The following TENM4 variants were observed in gnomAD, a reference collection of about 807,000 sequenced individuals.
The protein encoded by TENM4 is teneurin-4.
Under a neutral mutation model 243.3 loss-of-function variants are expected in TENM4, and 82 were observed. The ratio of observed to expected loss-of-function variants is 0.34; its 90% CI spans 0.28 to 0.40. TENM4 has a LOEUF of 0.40. Ranked by LOEUF, TENM4 falls within the 10% of genes least tolerant of loss-of-function variation. The pLI is 1.00. For synonymous variants in TENM4, 1,412 were observed against 1,456.3 expected, an observed-to-expected ratio of 0.97 and a Z score of 0.69; for missense variants, 3,138 against 3,673.3, an observed-to-expected ratio of 0.85 and a Z score of 3.77.
intron 6 of TENM4, among the ~76,000 whole-genome samples, chr11:79,009,513 G>A (rs1858587116): frequency 6.6e-6 from 1 of 152,172 alleles, no homozygotes; most frequent in Admixed American, 6.5e-5. Flanking sequence ...GGTAATAAAT[G>A]CCATTTGTGA....
At chr11:78,834,673 A>G (rs1858061745) in intron 12 of TENM4, among the ~76,000 whole-genome samples, 1 of 151,896 alleles carries the variant, frequency 6.6e-6, no homozygotes, top group Non-Finnish European at 1.5e-5. Flanking sequence ...GTTGGTACTT[A>G]TTTCCTCTGT....
chr11:79,063,033 A>T (rs1307831161), intron 6 of TENM4, among the ~76,000 whole-genome samples: 2 of 152,126 alleles, frequency 1.3e-5, no homozygotes, highest in Non-Finnish European at 2.9e-5. Context: ...GCCACTACCC[A>T]GTACCCAAGC....
At chr11:78,873,168 G>C (rs1455235892) in intron 9 of TENM4, among the ~76,000 whole-genome samples, 1 of 152,062 alleles carries the variant, frequency 6.6e-6, no homozygotes, top group Non-Finnish European at 1.5e-5. Flanking sequence ...CTGCCCCCCT[G>C]CCTTTATCTG....
intron 6 of TENM4, among the ~76,000 whole-genome samples, chr11:79,015,481 T>TGTGTGC: frequency 6.8e-6 from 1 of 147,976 alleles, no homozygotes; most frequent in Non-Finnish European, 1.5e-5. Flanking sequence ...TCATTTAGTG[T>TGTGTGC]GTGTGTGTGT....
In TENM4 at chr11:79,064,941, C is replaced by G. The variant is rs1056419910; in HGVS notation, c.290G>C (p.Arg97Pro). 1 of 1,525,252 alleles carries G rather than the reference C, an allele frequency of 6.6e-7. No individual in the cohort carries two copies. Among genetic ancestry groups the G allele is most frequent in the African/African-American group, 1.4e-5 (1 of 72,570 alleles). 94.5% of individuals were successfully genotyped at this position (1,525,252 alleles called of 1,614,324 possible). A position where few individuals can be genotyped will look rare whatever the true frequency, so the allele number is the denominator to read the frequency against. ...EVTPPHGTLY[R>P]TDIGLPHCGY... is the part of the protein sequence containing the mutation. ...GCAGTGGGGGAGGCCAATGTCTGTC[C>G]GGTACAGGGTCCCGTGAGGGGGCGT... is the stretch of plus-strand genomic sequence containing the variant. Residue 97 changes from arginine (R) to proline (P), a missense_variant, in exon 6 of 34, where the codon CGG becomes CCG. Coordinates refer to ENST00000278550, the MANE Select transcript of TENM4 (RefSeq NM_001098816.3).
intron 1 of TENM4, among the ~76,000 whole-genome samples, chr11:79,384,674 C>T (rs1416021037): frequency 6.6e-6 from 1 of 152,114 alleles, no homozygotes; most frequent in Non-Finnish European, 1.5e-5. Context: ...GCCTGTAATC[C>T]CAGCACTTTG....
chr11:79,250,509 A>T (rs1855591613), intron 2 of TENM4, among the ~76,000 whole-genome samples: 1 of 152,234 alleles, frequency 6.6e-6, no homozygotes, highest in Non-Finnish European at 1.5e-5. Flanking sequence ...ACACATTCTC[A>T]ATCACTGAAG....
intron 9 of TENM4, among the ~76,000 whole-genome samples, chr11:78,884,085 A>C (rs1026539562): frequency 3.3e-5 from 5 of 152,214 alleles, no homozygotes; most frequent in African/African-American, 9.6e-5. Flanking sequence ...TGAGCTAGGT[A>C]CTTCTTGTAA....
intron 3 of TENM4, among the ~76,000 whole-genome samples, chr11:79,155,272 ACTT>A (rs1862583550): frequency 6.6e-6 from 1 of 151,886 alleles, no homozygotes; most frequent in Non-Finnish European, 1.5e-5. Context: ...CCTACTCTGA[ACTT>A]CTGCTTCACA....
chr11:78,874,378 T>C (rs1450839609), intron 9 of TENM4, among the ~76,000 whole-genome samples: 1 of 152,172 alleles, frequency 6.6e-6, no homozygotes, highest in Non-Finnish European at 1.5e-5. Flanking sequence ...ATAATATTGC[T>C]TAATAGTTAA....
intron 1 of TENM4, among the ~76,000 whole-genome samples, chr11:79,396,676 GC>G (rs1172711581): frequency 6.6e-6 from 1 of 152,210 alleles, no homozygotes; most frequent in Non-Finnish European, 1.5e-5. Flanking sequence ...CCAAGCCAAA[GC>G]GTCCACTTCC....
At chr11:79,414,832 G>A (rs1402972276) in intron 1 of TENM4, among the ~76,000 whole-genome samples, 1 of 152,160 alleles carries the variant, frequency 6.6e-6, no homozygotes, top group Non-Finnish European at 1.5e-5. Flanking sequence ...CAAAACCTTG[G>A]CCGGGTGCCT....
At chr11:78,866,361 C>T (rs536188336) in intron 9 of TENM4, among the ~76,000 whole-genome samples, 1 of 151,544 alleles carries the variant, frequency 6.6e-6, no homozygotes, top group Admixed American at 6.6e-5. Flanking sequence ...ATTAACTAAT[C>T]CCAGAATGAA....
At chr11:78,860,981 A>T (rs1204912014) in intron 10 of TENM4, among the ~76,000 whole-genome samples, 2 of 152,404 alleles carry the variant, frequency 1.3e-5, no homozygotes, top group Middle Eastern at 6.8e-3. Flanking sequence ...GATTTCAGAT[A>T]GATCCGACTC....
intron 1 of TENM4, among the ~76,000 whole-genome samples, chr11:79,417,181 G>T (rs1858833913): frequency 6.6e-6 from 1 of 152,188 alleles, no homozygotes; most frequent in African/African-American, 2.4e-5. Context: ...TTAAAGGCAG[G>T]TGTGTTTCAT....
chr11:78,963,621 G>A (rs970724331), intron 6 of TENM4, among the ~76,000 whole-genome samples: 7 of 152,132 alleles, frequency 4.6e-5, no homozygotes, highest in African/African-American at 1.4e-4. Context: ...CACAGAGAGC[G>A]GCTGATTATT....
At chr11:79,055,424 T>C (rs563087709) in intron 6 of TENM4, among the ~76,000 whole-genome samples, 1 of 152,150 alleles carries the variant, frequency 6.6e-6, no homozygotes, top group African/African-American at 2.4e-5. Context: ...GTATTTTTAG[T>C]AGAGTAGGGG....
chr11:78,823,162 A>G (rs1159491207), intron 12 of TENM4, among the ~76,000 whole-genome samples: 7 of 152,244 alleles, frequency 4.6e-5, no homozygotes, highest in Non-Finnish European at 1.0e-4. Context: ...CTTCAAGAGC[A>G]CTAGGCCCTT....
chr11:79,409,630 T>C (rs1858656008), intron 1 of TENM4, among the ~76,000 whole-genome samples: 1 of 152,124 alleles, frequency 6.6e-6, no homozygotes, highest in Non-Finnish European at 1.5e-5. Context: ...TCAAATGCAG[T>C]CTGCCTGACC....
Sources: gnomAD v4.1 joint callset for allele counts (sites outside exome capture counted in the v4.1 genomes callset) on GRCh38, gnomAD v4.1.1 for gene constraint, MANE v1.5 for transcripts, NCBI Gene and HGNC (gene_info 2026-07-23, HGNC 2026-07-21) for gene names.